Variants in BANP observed in about 807,000 individuals in gnomAD.
The protein encoded by BANP is protein BANP.
A neutral mutation model predicts 68.1 loss-of-function variants in BANP; 11 were observed. That is an observed-to-expected ratio of 0.16 (90% CI 0.10 to 0.27). The LOEUF is 0.27. Among genes scored for constraint, BANP ranks in the 10% least tolerant of loss-of-function variants. BANP has a pLI of 1.00. For synonymous variants in BANP, 329 were observed against 303.2 expected (o/e 1.09, Z -0.88); for missense variants, 504 against 722.7 (o/e 0.70, Z 3.47).
intron 1 of BANP, chr16:87,956,688 G>C (rs1424794985): frequency 6.6e-6 from 1 of 152,128 alleles, no homozygotes; most frequent in Non-Finnish European, 1.5e-5. Context: ...AGCTCAGCCT[G>C]CTTTGGTTGT....
chr16:88,014,136 GGAA>G (rs1267551598), intron 6 of BANP, among the ~76,000 whole-genome samples: 2 of 152,208 alleles, frequency 1.3e-5, no homozygotes, highest in African/African-American at 4.8e-5. Context: ...AAAAAGGCCA[GGAA>G]GAAGTGTTGA....
chr16:87,953,407 T>A (rs1375267677), intron 1 of BANP, among the ~76,000 whole-genome samples: 3 of 152,130 alleles, frequency 2.0e-5, no homozygotes, highest in Non-Finnish European at 2.9e-5. Context: ...TAGGATCCCC[T>A]GATGTTGCCC....
chr16:88,076,802 G>A lies in BANP; in HGVS notation c.*141G>A. ...GTCTGAAGGCCGCTGCCTCCGCGGG[G>A]AACAGCATCCTATCAACTGAAAGAG... On this transcript the variant is annotated 3_prime_UTR_variant, in exon 14 of 14. Transcript: ENST00000682872. 1.5e-6 allele frequency: 1 copy of A among 679,032 alleles called. No homozygotes were observed. 42.1% of individuals were successfully genotyped at this position (679,032 alleles called of 1,614,324 possible).
At chr16:87,953,851 G>A (rs760684498) in intron 1 of BANP, among the ~76,000 whole-genome samples, 3 of 152,176 alleles carry the variant, frequency 2.0e-5, no homozygotes, top group Non-Finnish European at 2.9e-5. Flanking sequence ...CTGTAGCTGG[G>A]TATGTTCAGG....
chr16:88,018,864 C>T lies in BANP; in HGVS notation c.895+197C>T, dbSNP rs1409375977. Among the ~76,000 whole-genome samples, 1 of 152,232 alleles carries T rather than the reference C, an allele frequency of 6.6e-6. No homozygotes were observed. Among genetic ancestry groups the T allele is most frequent in the East Asian group, 1.9e-4 (1 of 5,196 alleles). On this transcript the variant is annotated intron_variant, in intron 7 of 13. Coordinates refer to ENST00000682872, the MANE Select transcript of BANP (RefSeq NM_001386991.1). This position sits in a 1 kb window ranked among gnomAD's most constrained non-coding sequence, Gnocchi z 7.7. ...ACCCTGATGTGCTTATTACGCACGG[C>T]ATGCCCGCACCAAAATACCTCATAT...
At chr16:87,979,488 CA>C (rs1426631085) in intron 2 of BANP, among the ~76,000 whole-genome samples, 1 of 129,276 alleles carries the variant, frequency 7.7e-6, no homozygotes, top group Non-Finnish European at 1.9e-5. Context: ...TGGGGCTGGA[CA>C]GAAGGTTGTT....
intron 4 of BANP, among the ~76,000 whole-genome samples, chr16:87,989,706 T>C (rs112112348): frequency 2.7e-4 from 20 of 73,140 alleles, no homozygotes; most frequent in Admixed American, 7.5e-4. Context: ...GGACACAGGG[T>C]GGGCGACGGG....
chr16:87,996,442 G>T (rs183428015), intron 4 of BANP, among the ~76,000 whole-genome samples: 16 of 151,186 alleles, frequency 1.1e-4, no homozygotes, highest in East Asian at 2.0e-4. Flanking sequence ...AGTGTTGCTG[G>T]GCCCTCGTCC....
chr16:87,989,168 G>A (rs571884045), intron 4 of BANP, among the ~76,000 whole-genome samples: 2 of 152,146 alleles, frequency 1.3e-5, no homozygotes, highest in African/African-American at 2.4e-5. Flanking sequence ...ATAAAAATGC[G>A]AGTCACCTGG....
chr16:87,959,785 T>G (rs2058774149), intron 1 of BANP: 2 of 149,012 alleles, frequency 1.3e-5, no homozygotes, highest in East Asian at 2.0e-4. Flanking sequence ...TGAGGGGGAG[T>G]CAGAGAGGGA....
chr16:88,076,566 G>C (rs1174896756), intron 13 of BANP, 24 bp from the exon 14 acceptor site: 1 of 1,609,054 alleles, frequency 6.2e-7, no homozygotes, highest in Non-Finnish European at 8.5e-7. Flanking sequence ...TTTCTAGAAA[G>C]TCCCTCCTTT....
intron 1 of BANP, among the ~76,000 whole-genome samples, chr16:87,974,408 G>T (rs530214810): frequency 1.3e-5 from 2 of 152,370 alleles, no homozygotes; most frequent in African/African-American, 4.8e-5. Flanking sequence ...GGACAGGACA[G>T]ATGGTTCCTC....
intron 1 of BANP, chr16:87,960,014 A>T (rs112542010): frequency 6.6e-6 from 1 of 152,564 alleles, no homozygotes; most frequent in African/African-American, 2.4e-5. Flanking sequence ...AAGGCAGGAG[A>T]TGGAGACCTG....
At chr16:88,035,807 G>A (rs2079202406) in intron 10 of BANP, among the ~76,000 whole-genome samples, 1 of 152,238 alleles carries the variant, frequency 6.6e-6, no homozygotes, top group African/African-American at 2.4e-5. Context: ...CTTCCTAGTG[G>A]CCTCTACGGG....
At chr16:88,058,328 G>A (rs1190993310) in intron 11 of BANP, among the ~76,000 whole-genome samples, 8 of 152,190 alleles carry the variant, frequency 5.3e-5, no homozygotes, top group African/African-American at 1.9e-4. Flanking sequence ...CGAGGAGGAC[G>A]GCAGGCAGGG....
At chr16:87,955,693 A>C (rs1199428746) in intron 1 of BANP, among the ~76,000 whole-genome samples, 1 of 152,120 alleles carries the variant, frequency 6.6e-6, no homozygotes, top group Non-Finnish European at 1.5e-5. Flanking sequence ...TCACAAAGGG[A>C]AAAATAAAAC....
rs1288185923 is a variant in BANP, at chr16:88,071,455, G to A, written c.1378-614G>A. The A allele has an allele frequency of 4.4e-6, 2 of 456,336 alleles. No homozygotes were observed. The highest frequency in any genetic ancestry group is 4.7e-5 in the Admixed American group (2 of 42,580). The allele number at this position is 456,336 out of a possible 1,614,324, so 28.3% of individuals were successfully genotyped here. On this transcript the variant is annotated intron_variant, in intron 12 of 13. Transcript: ENST00000682872. The surrounding 1 kb of genome is among the most constrained non-coding windows in gnomAD (Gnocchi z 6.5). ...CCCCCATTCTCATTCCATACTCTGG[G>A]AGGCGGTACAAGGTCGGGAGGGCCA... is the stretch of plus-strand genomic sequence containing the variant.
chr16:88,034,807 C>T (rs1043706761), intron 9 of BANP, among the ~76,000 whole-genome samples: 3 of 125,110 alleles, frequency 2.4e-5, no homozygotes, highest in African/African-American at 7.9e-5. Context: ...CTGTGTTACA[C>T]AGCAGCCCCC....
chr16:88,047,236 A>G (rs2082238682), intron 11 of BANP, among the ~76,000 whole-genome samples: 1 of 152,176 alleles, frequency 6.6e-6, no homozygotes, highest in Non-Finnish European at 1.5e-5. Flanking sequence ...CACGTAACGC[A>G]GGACACCAGG....
Sources: gnomAD v4.1 joint callset for allele counts (sites outside exome capture counted in the v4.1 genomes callset) on GRCh38, gnomAD v4.1.1 for gene constraint, Gnocchi (gnomAD v3.1) non-coding constraint, MANE v1.5 for transcripts, NCBI Gene and HGNC (gene_info 2026-07-23, HGNC 2026-07-21) for gene names.